The following JAZF1 variants were observed in gnomAD, a reference collection of about 807,000 sequenced individuals.
JAZF1 encodes the protein juxtaposed with another zinc finger protein 1.
Under a neutral mutation model 26.4 loss-of-function variants are expected in JAZF1, and 8 were observed. The observed-to-expected ratio is 0.30, with a 90% CI of 0.18 to 0.55. JAZF1 has a LOEUF of 0.55. JAZF1 is among the 20% of genes least tolerant of loss of function. The pLI is 0.94. For missense variants in JAZF1, 199 were observed against 322.0 expected (o/e 0.62, Z 2.92); for synonymous variants, 126 against 122.3 (o/e 1.03, Z -0.20).
At position 28,004,962 on chromosome 7, in the gene JAZF1, A is replaced by C. The variant is rs80058981; in HGVS notation, c.116-12981T>G. On this transcript the variant is annotated intron_variant, in intron 1 of 4. Transcript: ENST00000283928. ...CCACAAGACCTACCTGAAATCATTAAATTTTGACTTCACTTGGGACTCAGG... is the reference window on the plus strand; with the variant it reads ...CCACAAGACCTACCTGAAATCATTACATTTTGACTTCACTTGGGACTCAGG... Among the ~76,000 whole-genome samples, 15 of 152,292 alleles carry C rather than the reference A, an allele frequency of 9.8e-5. No individual in the cohort carries two copies. The East Asian group carries it at 2.9e-3, about 29-fold the overall frequency.
intron 1 of JAZF1, among the ~76,000 whole-genome samples, chr7:27,997,270 T>C (rs575446033): frequency 1.3e-5 from 2 of 152,110 alleles, no homozygotes; most frequent in East Asian, 3.9e-4. Flanking sequence ...AAAAGGTTGA[T>C]TATCCAGGGA....
chr7:27,983,403 A>T (rs1376959117), intron 2 of JAZF1, among the ~76,000 whole-genome samples: 1 of 152,226 alleles, frequency 6.6e-6, no homozygotes, highest in Admixed American at 6.5e-5. Context: ...TAGAGAAAAA[A>T]GAGTAAAAAG....
At chr7:28,142,554 T>C (rs1338633441) in intron 1 of JAZF1, among the ~76,000 whole-genome samples, 2 of 152,186 alleles carry the variant, frequency 1.3e-5, no homozygotes, top group Non-Finnish European at 2.9e-5. Flanking sequence ...AAGGCCCTTC[T>C]ACCGTGCGCA....
chr7:28,036,784 G>A (rs1562566104), intron 1 of JAZF1, among the ~76,000 whole-genome samples: 1 of 152,226 alleles, frequency 6.6e-6, no homozygotes, highest in South Asian at 2.1e-4. Flanking sequence ...GGATGTTGGG[G>A]GTGAGGCTGT....
At chr7:28,137,850 G>A (rs1466689427) in intron 1 of JAZF1, among the ~76,000 whole-genome samples, 2 of 152,150 alleles carry the variant, frequency 1.3e-5, no homozygotes, top group Non-Finnish European at 2.9e-5. Context: ...ACTCTTCCAA[G>A]AACTTTCCGT....
chr7:28,077,876 A>G (rs964560231), intron 1 of JAZF1, among the ~76,000 whole-genome samples: 4 of 152,132 alleles, frequency 2.6e-5, no homozygotes, highest in Non-Finnish European at 4.4e-5. Flanking sequence ...GGTAATTTGG[A>G]TTATGTACAT....
chr7:28,017,877 G>A (rs1319480528), intron 1 of JAZF1, among the ~76,000 whole-genome samples: 1 of 152,194 alleles, frequency 6.6e-6, no homozygotes, highest in Non-Finnish European at 1.5e-5. Flanking sequence ...GGGTTCAAGC[G>A]ATTCTTGTGT....
chr7:28,058,740 G>A (rs562925443), intron 1 of JAZF1, among the ~76,000 whole-genome samples: 5 of 151,880 alleles, frequency 3.3e-5, no homozygotes, highest in Non-Finnish European at 5.9e-5. Context: ...TGTGACTTAC[G>A]TGCATGCATG....
chr7:27,854,749 G>C (rs1783212526), intron 3 of JAZF1, among the ~76,000 whole-genome samples: 1 of 152,224 alleles, frequency 6.6e-6, no homozygotes. Flanking sequence ...CTGTTAGTCT[G>C]ATGGGCTTCC....
Position 27,856,294 on chromosome 7 carries a change from C to T in JAZF1, c.386-15427G>A, listed in dbSNP as rs12669221. Reference sequence around the variant, plus strand: ...CACATCTGCAATTGTTTGTTCCTCCCGGTGGGTTCGTTGTCTTGCTGGCTT... The same window carrying T: ...CACATCTGCAATTGTTTGTTCCTCCTGGTGGGTTCGTTGTCTTGCTGGCTT... On this transcript the variant is annotated intron_variant, in intron 3 of 4. Coordinates refer to ENST00000283928, the MANE Select transcript of JAZF1 (RefSeq NM_175061.4). 2.4e-3 allele frequency among the ~76,000 whole-genome samples: 370 copies of T among 152,260 alleles called. 8 individuals carry two copies. The East Asian group carries it at 0.064, about 26-fold the overall frequency.
At position 27,985,062 on chromosome 7, in the gene JAZF1, C is replaced by T. The variant is rs539282266; in HGVS notation, c.188+6847G>A. ...AAAGAACTAGAGAAGCAAGAGCAAA[C>T]ACATTCAAAAGCTAGCAGAAGACAA... On this transcript the variant is annotated intron_variant, in intron 2 of 4. Coordinates refer to ENST00000283928, the MANE Select transcript of JAZF1 (RefSeq NM_175061.4). Among the ~76,000 whole-genome samples the T allele has an allele frequency of 6.6e-4, 101 of 152,216 alleles. 1 individual carries two copies. Among genetic ancestry groups the T allele is most frequent in the Middle Eastern group, 3.4e-3 (1 of 294 alleles).
intron 3 of JAZF1, among the ~76,000 whole-genome samples, chr7:27,874,791 C>G (rs866028426): frequency 5.1e-4 from 78 of 152,264 alleles, no homozygotes; most frequent in African/African-American, 1.8e-3. Context: ...GTGGCACTGC[C>G]TTGGGCCCTG....
At chr7:27,923,318 C>T (rs941794960) in intron 2 of JAZF1, among the ~76,000 whole-genome samples, 2 of 152,160 alleles carry the variant, frequency 1.3e-5, no homozygotes, top group Admixed American at 6.5e-5. Context: ...ATTAAAACGT[C>T]GAGTTTCCAG....
At chr7:28,034,773 T>A (rs1259435860) in intron 1 of JAZF1, among the ~76,000 whole-genome samples, 1 of 152,124 alleles carries the variant, frequency 6.6e-6, no homozygotes, top group Non-Finnish European at 1.5e-5. Flanking sequence ...GACACCATCA[T>A]CCTCTTAACA....
At chr7:28,026,143 C>G (rs1783089934) in intron 1 of JAZF1, among the ~76,000 whole-genome samples, 1 of 152,174 alleles carries the variant, frequency 6.6e-6, no homozygotes, top group South Asian at 2.1e-4. Context: ...AGAGGCCCCA[C>G]TGGGTCTGGT....
intron 2 of JAZF1, among the ~76,000 whole-genome samples, chr7:27,971,220 T>C (rs1785370430): frequency 6.6e-6 from 1 of 152,182 alleles, no homozygotes. Flanking sequence ...TGTGATGATA[T>C]GGTTATGTGG....
chr7:27,945,927 C>T (rs113467654), intron 2 of JAZF1, among the ~76,000 whole-genome samples: 25 of 152,176 alleles, frequency 1.6e-4, no homozygotes, highest in African/African-American at 4.3e-4. Context: ...TTTATGATGG[C>T]GCAAAAGTAA....
At chr7:28,015,611 T>C (rs1373316930) in intron 1 of JAZF1, among the ~76,000 whole-genome samples, 1 of 152,224 alleles carries the variant, frequency 6.6e-6, no homozygotes, top group Admixed American at 6.5e-5. Flanking sequence ...AAAATATTTA[T>C]GAAATATTTT....
At chr7:27,904,684 T>C (rs2128343745) in intron 2 of JAZF1, among the ~76,000 whole-genome samples, 1 of 152,262 alleles carries the variant, frequency 6.6e-6, no homozygotes, top group African/African-American at 2.4e-5. Context: ...TCTGAGCCCC[T>C]TTTAACATGC....
Sources: gnomAD v4.1 joint callset for allele counts (sites outside exome capture counted in the v4.1 genomes callset) on GRCh38, gnomAD v4.1.1 for gene constraint, MANE v1.5 for transcripts, NCBI Gene and HGNC (gene_info 2026-07-23, HGNC 2026-07-21) for gene names.